The following TAF3 variants were observed in gnomAD, a reference collection of about 807,000 sequenced individuals.
TAF3 encodes the protein TATA-box binding protein associated factor 3.
In TAF3, 7 loss-of-function variants were observed where a neutral mutation model predicts 80.6. The ratio of observed to expected loss-of-function variants is 0.09; its 90% CI spans 0.05 to 0.16. The LOEUF is 0.16. Ranked by LOEUF, TAF3 falls within the 10% of genes least tolerant of loss-of-function variation. TAF3 has a pLI of 1.00. For missense variants in TAF3, 921 were observed against 1,140.2 expected (o/e 0.81, Z 2.77); for synonymous variants, 444 against 446.1 (o/e 1.00, Z 0.06).
intron 4 of TAF3, among the ~76,000 whole-genome samples, chr10:7,998,536 T>C (rs1463617861): frequency 6.6e-6 from 1 of 151,692 alleles, no homozygotes; most frequent in Non-Finnish European, 1.5e-5. Context: ...GCCTTATAGG[T>C]AAGGGAGAAA....
chr10:7,868,023 T>A (rs755555379), intron 2 of TAF3, among the ~76,000 whole-genome samples: 6 of 151,748 alleles, frequency 4.0e-5, no homozygotes, highest in Non-Finnish European at 5.9e-5. Context: ...TGGAAGTGGG[T>A]CACCATAAAG....
At chr10:7,992,091 A>C (rs1343080102) in intron 4 of TAF3, among the ~76,000 whole-genome samples, 1 of 152,236 alleles carries the variant, frequency 6.6e-6, no homozygotes, top group African/African-American at 2.4e-5. Flanking sequence ...CTGTAGGCTC[A>C]GGGACTACAG....
chr10:7,895,412 A>G (rs1837495561), intron 2 of TAF3, among the ~76,000 whole-genome samples: 1 of 152,062 alleles, frequency 6.6e-6, no homozygotes, highest in Non-Finnish European at 1.5e-5. Context: ...TCTTCCTTAG[A>G]CATCCCACGG....
chr10:7,910,822 C>T (rs910184896), intron 2 of TAF3, among the ~76,000 whole-genome samples: 3 of 152,180 alleles, frequency 2.0e-5, no homozygotes, highest in African/African-American at 7.2e-5. Flanking sequence ...TACTGAATCA[C>T]AAACCAGACT....
chr10:7,871,579 G>C (rs1158439591), intron 2 of TAF3, among the ~76,000 whole-genome samples: 3 of 151,572 alleles, frequency 2.0e-5, no homozygotes, highest in Non-Finnish European at 2.9e-5. Context: ...AAGTAGCTGG[G>C]ATTATAGGCA....
intron 2 of TAF3, among the ~76,000 whole-genome samples, chr10:7,877,799 A>C (rs1360411525): frequency 6.6e-6 from 1 of 151,962 alleles, no homozygotes; most frequent in Non-Finnish European, 1.5e-5. Flanking sequence ...CTTGGTTCTT[A>C]CTCCATTTTT....
intron 4 of TAF3, among the ~76,000 whole-genome samples, chr10:7,999,037 G>A (rs1831917857): frequency 6.6e-6 from 1 of 152,000 alleles, no homozygotes; most frequent in Admixed American, 6.6e-5. Flanking sequence ...CTGAGGAAGT[G>A]GAATCTGTGT....
chr10:7,881,698 A>G (rs1397741628), intron 2 of TAF3, among the ~76,000 whole-genome samples: 2 of 152,204 alleles, frequency 1.3e-5, no homozygotes, highest in African/African-American at 2.4e-5. Context: ...ACCTAGAGGA[A>G]GCATGTTAGC....
At chr10:7,822,286 T>C (rs1836697817) in intron 1 of TAF3, among the ~76,000 whole-genome samples, 1 of 150,564 alleles carries the variant, frequency 6.6e-6, no homozygotes, top group Admixed American at 6.6e-5. Flanking sequence ...GGGGACAGGG[T>C]TAGAAACTAC....
chr10:7,824,688 A>C (rs1288411624), intron 2 of TAF3, 128 bp downstream of exon 2: 1 of 1,232,464 alleles, frequency 8.1e-7, no homozygotes, highest in Non-Finnish European at 1.1e-6. Context: ...GTTACTTACA[A>C]ATTATTCTAA....
At chr10:7,931,234 A>G (rs1368934178) in intron 2 of TAF3, among the ~76,000 whole-genome samples, 1 of 152,152 alleles carries the variant, frequency 6.6e-6, no homozygotes, top group East Asian at 1.9e-4. Flanking sequence ...TTTTGTTATT[A>G]TCTTCATTTT....
At chr10:7,991,367 T>C (rs1187188445) in intron 4 of TAF3, among the ~76,000 whole-genome samples, 1 of 152,224 alleles carries the variant, frequency 6.6e-6, no homozygotes, top group Non-Finnish European at 1.5e-5. Flanking sequence ...TTTATTAATG[T>C]TTTTGTAACT....
intron 2 of TAF3, chr10:7,833,809 A>C (rs544110545): frequency 2.2e-6 from 1 of 452,944 alleles, no homozygotes; most frequent in South Asian, 6.5e-5. Context: ...TGGGTGGCCA[A>C]TTGCAGTTCT....
intron 2 of TAF3, among the ~76,000 whole-genome samples, chr10:7,828,194 G>A (rs1045265565): frequency 2.2e-4 from 34 of 152,122 alleles, no homozygotes; most frequent in Admixed American, 8.5e-4. Context: ...GATTGAGCCT[G>A]TGAATGCCCA....
rs144475180 is a variant in TAF3, at chr10:8,006,067, C to T, written c.2316-3011C>T. On this transcript the variant is annotated intron_variant, in intron 4 of 6. Coordinates refer to ENST00000344293, the MANE Select transcript of TAF3 (RefSeq NM_031923.4). The stretch of plus-strand genomic sequence containing the variant: ...AAACAAGGCCGGGCACCGTGGCTTA[C>T]GCCTGTAATCTCAGCACTTTGGGAG... Among the ~76,000 whole-genome samples the T allele has an allele frequency of 4.3e-4, 66 of 152,248 alleles. 1 individual carries two copies. The East Asian group carries it at 8.5e-3, about 20-fold the overall frequency.
intron 2 of TAF3, among the ~76,000 whole-genome samples, chr10:7,910,003 T>C (rs1369161250): frequency 1.3e-5 from 2 of 152,366 alleles, no homozygotes; most frequent in Non-Finnish European, 2.9e-5. Flanking sequence ...AGGTTACTTA[T>C]AATTAATATA....
At chr10:7,930,498 C>T (rs941298886) in intron 2 of TAF3, among the ~76,000 whole-genome samples, 2 of 152,198 alleles carry the variant, frequency 1.3e-5, no homozygotes, top group Non-Finnish European at 2.9e-5. Flanking sequence ...TGTATATGTT[C>T]AGTGCCTTTC....
intron 2 of TAF3, among the ~76,000 whole-genome samples, chr10:7,893,506 C>CAA: frequency 6.6e-6 from 1 of 152,286 alleles, no homozygotes; most frequent in East Asian, 1.9e-4. Flanking sequence ...CTTACTGTAC[C>CAA]AAACATTCAT....
intron 2 of TAF3, among the ~76,000 whole-genome samples, chr10:7,917,401 C>T (rs181539261): frequency 3.3e-5 from 5 of 152,270 alleles, no homozygotes; most frequent in Admixed American, 2.0e-4. Context: ...ACCAGCTGTG[C>T]ATGAGAGGGA....
Sources: gnomAD v4.1 joint callset for allele counts (sites outside exome capture counted in the v4.1 genomes callset) on GRCh38, gnomAD v4.1.1 for gene constraint, MANE v1.5 for transcripts, NCBI Gene and HGNC (gene_info 2026-07-23, HGNC 2026-07-21) for gene names.